CST6: variants seen among roughly 807,000 people sequenced by gnomAD.
CST6 encodes cystatin E/M, also known as cystatin-M.
A neutral mutation model predicts 10.7 loss-of-function variants in CST6; 8 were observed. The ratio of observed to expected loss-of-function variants is 0.75; its 90% confidence interval spans 0.44 to 1.34. The LOEUF is 1.34. CST6 is among the 40% of genes most tolerant of loss of function. The pLI is 0.01. For missense variants in CST6, 206 were observed against 205.1 expected (o/e 1.00, Z -0.03); for synonymous variants, 100 against 89.3 (o/e 1.12, Z -0.68).
intron 2 of CST6, 133 bp downstream of exon 2, chr11:66,013,084 C>G (rs765535060): frequency 7.7e-6 from 10 of 1,297,828 alleles, no homozygotes; most frequent in Non-Finnish European, 1.1e-5. Flanking sequence ...CTGGATGAGT[C>G]AGCCTCTGGG....
At chr11:66,013,279 G>A in intron 2 of CST6, 38 bp from the exon 3 acceptor site, 1 of 1,577,088 alleles carries the variant, frequency 6.3e-7, no homozygotes, top group Non-Finnish European at 8.7e-7. Flanking sequence ...GGTCGAGGCT[G>A]GGCTCACCCC....
Position 66,012,124 on chromosome 11 carries a change from G to C in CST6, c.80G>C (p.Arg27Pro). Residue 27 changes from arginine (R) to proline (P), a missense_variant, in exon 1 of 3, where the codon CGG becomes CCG. By Grantham distance (103) the Arg-to-Pro change is moderately radical (BLOSUM62 -2). Coordinates refer to ENST00000312134, the MANE Select transcript of CST6 (RefSeq NM_001323.4). ...CTCCTGGCGCTGCCACGCGACGCCC[G>C]GGCCCGGCCGCAGGAGCGCATGGTC... ...FCLLALPRDARARPQERMVGE... is the reference protein window; with the variant it reads ...FCLLALPRDAPARPQERMVGE... 6.5e-7 allele frequency: 1 copy of C among 1,549,722 alleles called. No individual in the cohort carries two copies. Among genetic ancestry groups the C allele is most frequent in the Non-Finnish European group, 8.7e-7 (1 of 1,153,030 alleles).
At chr11:66,013,257 T>C in intron 2 of CST6, 60 bp from the exon 3 acceptor site, 3 of 1,476,670 alleles carry the variant, frequency 2.0e-6, no homozygotes, top group South Asian at 1.1e-5. Flanking sequence ...GGCTGGCTGT[T>C]GGGAGGAGAC....
intron 2 of CST6, 108 bp downstream of exon 2, chr11:66,013,059 G>A (rs1331777641): frequency 5.6e-6 from 8 of 1,436,454 alleles, no homozygotes; most frequent in Non-Finnish European, 7.6e-6. Flanking sequence ...ATGTCTGGCT[G>A]AACCTGTCGT....
chr11:66,013,428 G>T lies in CST6; in HGVS notation c.*28G>T. The T allele has an allele frequency of 6.3e-7, 1 of 1,596,822 alleles. No individual in the cohort carries two copies. ...AGTCCCCGAGGGCGAAGGCCATTGG[G>T]TTTGGGGCCATGGTGGAGGGCACTT... On this transcript the variant is annotated 3_prime_UTR_variant, in exon 3 of 3. Coordinates refer to ENST00000312134, the MANE Select transcript of CST6 (RefSeq NM_001323.4).
Position 66,012,880 on chromosome 11 carries a change from C to A in CST6, c.295C>A (p.Arg99Ser), listed in dbSNP as rs774860377. The A allele has an allele frequency of 6.2e-7, 1 of 1,613,430 alleles. No individual in the cohort carries two copies. Among genetic ancestry groups the A allele is most frequent in the Non-Finnish European group, 8.5e-7 (1 of 1,179,626 alleles). The stretch of plus-strand genomic sequence containing the variant: ...GATGGAGATGGGGAGCACAGACTGC[C>A]GCAAGACCAGGGTCACTGGAGACCA... ...LTMEMGSTDC[R>S]KTRVTGDHVD... Residue 99 changes from arginine to serine, a missense_variant, in exon 2 of 3, where the codon CGC becomes AGC. Physicochemically the swap from Arg to Ser is moderately radical, Grantham distance 110. Transcript: ENST00000312134.
chr11:66,013,011 C>T, intron 2 of CST6, 60 bp downstream of exon 2: 1 of 1,595,708 alleles, frequency 6.3e-7, no homozygotes, highest in Non-Finnish European at 8.5e-7. Context: ...TCAGGTTGTC[C>T]ATCCTGAACT....
In CST6 at chr11:66,013,480, A is replaced by G. The variant is rs970324823; in HGVS notation, c.*80A>G. On this transcript the variant is annotated 3_prime_UTR_variant, in exon 3 of 3. Coordinates refer to ENST00000312134, the MANE Select transcript of CST6 (RefSeq NM_001323.4). Reference sequence around the variant, plus strand: ...AGGTCCGTGGGCCGTATCTGTCACAATAAATGGCCAGTGCTGCTTCTTGCA... The same window carrying G: ...AGGTCCGTGGGCCGTATCTGTCACAGTAAATGGCCAGTGCTGCTTCTTGCA... 4.4e-5 allele frequency: 50 copies of G among 1,143,096 alleles called. No homozygotes were observed. The highest frequency in any genetic ancestry group is 6.1e-5 in the Non-Finnish European group (46 of 751,274). The allele number at this position is 1,143,096 out of a possible 1,614,324, so 70.8% of individuals were successfully genotyped here. A position where few individuals can be genotyped will look rare whatever the true frequency, so the allele number is the denominator to read the frequency against.
chr11:66,012,644 C>T lies in CST6; in HGVS notation c.241-182C>T, dbSNP rs1019271189. On this transcript the variant is annotated intron_variant, in intron 1 of 2. Coordinates refer to ENST00000312134, the MANE Select transcript of CST6 (RefSeq NM_001323.4). Reference sequence around the variant, plus strand: ...GGGGCTCAGCCTCCAGGCCTCTCCACCCTCCATCCCCACCAGAACTCCCCC... The same window carrying T: ...GGGGCTCAGCCTCCAGGCCTCTCCATCCTCCATCCCCACCAGAACTCCCCC... Among the ~76,000 whole-genome samples the T allele has an allele frequency of 3.5e-4, 51 of 144,088 alleles. 1 individual carries two copies. Among genetic ancestry groups the T allele is most frequent in the Non-Finnish European group, 3.1e-5 (2 of 65,246 alleles). The allele number at this position is 144,088 out of a possible 152,430, so 94.5% of individuals were successfully genotyped here.
At position 66,012,207 on chromosome 11, in the gene CST6, G is replaced by T. The variant is rs778213713; in HGVS notation, c.163G>T (p.Ala55Ser). The T allele has an allele frequency of 1.3e-5, 20 of 1,590,916 alleles. No homozygotes were observed. The Admixed American group carries it at 3.0e-4, about 24-fold the overall frequency. The change falls in exon 1 of 3, where the codon GCC (alanine) becomes TCC (serine). Residue 55 changes from alanine (A) to serine (S), a missense_variant. Ala to Ser is a moderately conservative substitution (Grantham distance 99). Transcript: ENST00000312134. Reference protein sequence around the residue: ...DPQVQKAAQAAVASYNMGSNS... With the variant: ...DPQVQKAAQASVASYNMGSNS... ...GCAGGTGCAGAAGGCGGCGCAGGCG[G>T]CCGTGGCCAGCTACAACATGGGCAG... is the stretch of plus-strand genomic sequence containing the variant.
At position 66,012,088 on chromosome 11, in the gene CST6, T is replaced by A; in HGVS notation, c.44T>A (p.Val15Asp). ...CCGCTGGCGCTGGGCCTGGCCCTGGTCGCATTCTGCCTCCTGGCGCTGCCA... is the reference window on the plus strand; with the variant it reads ...CCGCTGGCGCTGGGCCTGGCCCTGGACGCATTCTGCCTCCTGGCGCTGCCA... ...NLPLALGLAL[V>D]AFCLLALPRD... The change falls in exon 1 of 3, where the codon GTC becomes GAC. Residue 15 changes from valine (V) to aspartate (D), a missense_variant. Physicochemically the swap from Val to Asp is radical, Grantham distance 152 (BLOSUM62 -3). Coordinates refer to ENST00000312134, the MANE Select transcript of CST6 (RefSeq NM_001323.4). 1 of 1,568,084 alleles carries A rather than the reference T, an allele frequency of 6.4e-7. No individual in the cohort carries two copies.
chr11:66,012,664 T>TCCCCCCCCCCCGC (rs1159123566), intron 1 of CST6, among the ~76,000 whole-genome samples, 162 bp from the exon 2 acceptor site: 1 of 14,486 alleles, frequency 6.9e-5, no homozygotes, highest in Non-Finnish European at 1.8e-4. Flanking sequence ...CCACCAGAAC[T>TCCCCCCCCCCCGC]CCCCCCCCCA....
At position 66,012,246 on chromosome 11, in the gene CST6, TACTTCCGAG is replaced by T. The variant is rs754880914; in HGVS notation, c.205_213del (p.Phe69_Asp71del). 2 of 1,607,156 alleles carry T rather than the reference TACTTCCGAG, an allele frequency of 1.2e-6. No homozygotes were observed. The highest frequency in any genetic ancestry group is 2.2e-5 in the South Asian group (2 of 90,164). On this transcript the variant is annotated inframe_deletion, in exon 1 of 3. Coordinates refer to ENST00000312134, the MANE Select transcript of CST6 (RefSeq NM_001323.4). Reference sequence around the variant, plus strand: ...CAACATGGGCAGCAACAGCATCTACTACTTCCGAGACACGCACATCATCAAGGCGCAGAG... The same window carrying T: ...CAACATGGGCAGCAACAGCATCTACTACACGCACATCATCAAGGCGCAGAG...
chr11:66,012,947 A>C lies in CST6; in HGVS notation c.362A>C (p.Gln121Pro). Reference protein sequence around the residue: ...TTCPLAAGAQQEKLRCDFEVL... With the variant: ...TTCPLAAGAQPEKLRCDFEVL... ...TGCCCCCTGGCAGCAGGGGCGCAGC[A>C]GGAGGTAACAGCTGGGCTCCTCCAG... Residue 121 changes from glutamine to proline, a missense_variant, in exon 2 of 3, where the codon CAG becomes CCG. Transcript: ENST00000312134. 1 of 1,613,314 alleles carries C rather than the reference A, an allele frequency of 6.2e-7. No homozygotes were observed. Among genetic ancestry groups the C allele is most frequent in the Non-Finnish European group, 8.5e-7 (1 of 1,179,818 alleles).
Position 66,013,347 on chromosome 11 carries a change from G to C in CST6, c.397G>C (p.Val133Leu). 1 of 1,614,196 alleles carries C rather than the reference G, an allele frequency of 6.2e-7. No homozygotes were observed. The highest frequency in any genetic ancestry group is 2.2e-5 in the East Asian group (1 of 44,888). ...KLRCDFEVLV[V>L]PWQNSSQLLK... ...GCGCTGTGACTTTGAGGTCCTTGTGGTTCCCTGGCAGAACTCCTCTCAGCT... is the reference window on the plus strand; with the variant it reads ...GCGCTGTGACTTTGAGGTCCTTGTGCTTCCCTGGCAGAACTCCTCTCAGCT... Residue 133 changes from valine (V) to leucine (L), a missense_variant, in exon 3 of 3, where the codon GTT (valine) becomes CTT (leucine). Val to Leu is a conservative substitution (Grantham distance 32). Coordinates refer to ENST00000312134, the MANE Select transcript of CST6 (RefSeq NM_001323.4).
chr11:66,012,353 C>A (rs1856176406), intron 1 of CST6, 69 bp downstream of exon 1: 1 of 1,492,520 alleles, frequency 6.7e-7, no homozygotes, highest in Non-Finnish European at 9.0e-7. Flanking sequence ...GCTGCCCCAG[C>A]GTGCATGAAG....
chr11:66,012,209 C>A lies in CST6; in HGVS notation c.165C>A (p.Ala55=), dbSNP rs111737046. ...AGGTGCAGAAGGCGGCGCAGGCGGCCGTGGCCAGCTACAACATGGGCAGCA... is the reference window on the plus strand; with the variant it reads ...AGGTGCAGAAGGCGGCGCAGGCGGCAGTGGCCAGCTACAACATGGGCAGCA... ...DPQVQKAAQA[A]VASYNMGSNS... The change falls in exon 1 of 3, where the codon GCC becomes GCA. Residue 55 remains alanine (A), a synonymous_variant. Transcript: ENST00000312134. The A allele has an allele frequency of 1.3e-6, 2 of 1,592,674 alleles. No homozygotes were observed. Among genetic ancestry groups the A allele is most frequent in the Non-Finnish European group, 1.7e-6 (2 of 1,171,132 alleles).
At position 66,012,901 on chromosome 11, in the gene CST6, G is replaced by A. The variant is rs1450338359; in HGVS notation, c.316G>A (p.Asp106Asn). ...TDCRKTRVTG[D>N]HVDLTTCPLA... ...CTGCCGCAAGACCAGGGTCACTGGA[G>A]ACCACGTCGACCTCACCACTTGCCC... Residue 106 changes from aspartate (D) to asparagine (N), a missense_variant, in exon 2 of 3, where the codon GAC (aspartate) becomes AAC (asparagine). Physicochemically the swap from Asp to Asn is conservative, Grantham distance 23. Transcript: ENST00000312134. 1 of 1,613,766 alleles carries A rather than the reference G, an allele frequency of 6.2e-7. No individual in the cohort carries two copies. The highest frequency in any genetic ancestry group is 1.1e-5 in the South Asian group (1 of 91,066).
In CST6 at chr11:66,013,323, C is replaced by A; in HGVS notation, c.373C>A (p.Arg125Ser). ...CCCCATATTCCCTCCACAGAAGCTG[C>A]GCTGTGACTTTGAGGTCCTTGTGGT... ...LAAGAQQEKL[R>S]CDFEVLVVPW... Residue 125 changes from arginine to serine, a missense_variant, in exon 3 of 3, where the codon CGC (arginine) becomes AGC (serine). Transcript: ENST00000312134. The A allele has an allele frequency of 1.9e-6, 3 of 1,613,966 alleles. No homozygotes were observed. The highest frequency in any genetic ancestry group is 2.5e-6 in the Non-Finnish European group (3 of 1,179,830).
Sources: allele counts gnomAD v4.1 joint callset (sites outside exome capture counted in the v4.1 genomes callset), GRCh38; gene constraint gnomAD v4.1.1; transcripts MANE v1.5; gene names NCBI Gene and HGNC (gene_info 2026-07-23, HGNC 2026-07-21).